Variants in PXDNL observed in about 807,000 individuals in gnomAD.
The protein encoded by PXDNL is peroxidasin like.
Under a neutral mutation model 150.8 loss-of-function variants are expected in PXDNL, and 145 were observed. The ratio of observed to expected loss-of-function variants is 0.96; its 90% CI spans 0.84 to 1.10. PXDNL has a LOEUF of 1.10. PXDNL is among the 50% of genes least tolerant of loss of function. The pLI is 0.00. For missense variants in PXDNL, 2,087 were observed against 1,873.9 expected, an observed-to-expected ratio of 1.11 and a Z score of -2.10; for synonymous variants, 757 against 725.7, an observed-to-expected ratio of 1.04 and a Z score of -0.69.
intron 4 of PXDNL, among the ~76,000 whole-genome samples, chr8:51,506,669 T>C (rs1811301278): frequency 6.6e-6 from 1 of 152,164 alleles, no homozygotes; most frequent in African/African-American, 2.4e-5. Flanking sequence ...CTACCTCTTT[T>C]TGCCTGAACT....
At chr8:51,479,849 C>T (rs983896339) in intron 6 of PXDNL, among the ~76,000 whole-genome samples, 1 of 152,094 alleles carries the variant, frequency 6.6e-6, no homozygotes, top group African/African-American at 2.4e-5. Context: ...TGTACTTGTA[C>T]CCCTTTACAG....
chr8:51,564,990 AGGCTTCCAGTACGAT>A (rs1812787391), intron 3 of PXDNL, among the ~76,000 whole-genome samples: 1 of 151,858 alleles, frequency 6.6e-6, no homozygotes, highest in Admixed American at 6.6e-5. Flanking sequence ...TCATTAGCTA[AGGCTTCCAGTACGAT>A]GGTGAATAGG....
At chr8:51,320,688 A>T in intron 22 of PXDNL, 96 bp downstream of exon 22, 1 of 869,342 alleles carries the variant, frequency 1.2e-6, no homozygotes, top group Non-Finnish European at 1.9e-6. Context: ...ATTGACATAA[A>T]ATATATTTTT....
chr8:51,690,313 C>T (rs1815967109), intron 1 of PXDNL, among the ~76,000 whole-genome samples: 1 of 152,062 alleles, frequency 6.6e-6, no homozygotes, highest in Non-Finnish European at 1.5e-5. Context: ...AATGCTATCC[C>T]TCCCCCTTCC....
chr8:51,527,089 T>A (rs1811785613), intron 4 of PXDNL, among the ~76,000 whole-genome samples: 1 of 152,212 alleles, frequency 6.6e-6, no homozygotes, highest in Admixed American at 6.5e-5. Flanking sequence ...AAAGCTTTTA[T>A]TTTCCTGCCT....
chr8:51,344,351 T>C (rs994721476), intron 20 of PXDNL, among the ~76,000 whole-genome samples: 5 of 152,072 alleles, frequency 3.3e-5, no homozygotes, highest in African/African-American at 9.7e-5. Context: ...AACTCCTGGC[T>C]TCAGGTGATG....
intron 2 of PXDNL, among the ~76,000 whole-genome samples, chr8:51,604,703 T>G (rs1172060103): frequency 6.6e-6 from 1 of 152,212 alleles, no homozygotes; most frequent in South Asian, 2.1e-4. Context: ...TTCTAAACAG[T>G]TTTAGGTCTT....
At position 51,361,412 on chromosome 8, in the gene PXDNL, A is replaced by T. The variant is rs376825086; in HGVS notation, c.3901+10461T>A. 3.5e-4 allele frequency among the ~76,000 whole-genome samples: 53 copies of T among 152,278 alleles called. 1 individual carries two copies. The highest frequency in any genetic ancestry group is 1.1e-3 in the African/African-American group (47 of 41,556). On this transcript the variant is annotated intron_variant, in intron 19 of 22. Coordinates refer to ENST00000356297, the MANE Select transcript of PXDNL (RefSeq NM_144651.5). ...CTTTTCTCTTTTTGGTTGCTCAGGT[A>T]GAAAAAAAATCATTGACTAAGTTGA...
intron 1 of PXDNL, among the ~76,000 whole-genome samples, chr8:51,659,349 T>C (rs1815220672): frequency 6.6e-6 from 1 of 152,140 alleles, no homozygotes; most frequent in South Asian, 2.1e-4. Flanking sequence ...TCTCCTCTAC[T>C]CTCCCCAGCA....
At chr8:51,761,134 A>G (rs2037162103) in intron 1 of PXDNL, among the ~76,000 whole-genome samples, 1 of 150,612 alleles carries the variant, frequency 6.6e-6, no homozygotes, top group African/African-American at 2.4e-5. Context: ...CGGCCTCCCA[A>G]AGTGCTAGGA....
At chr8:51,639,934 C>A (rs1191531356) in intron 2 of PXDNL, among the ~76,000 whole-genome samples, 1 of 152,088 alleles carries the variant, frequency 6.6e-6, no homozygotes, top group Admixed American at 6.5e-5. Context: ...ACTTGATGAA[C>A]ATTGACGCAA....
chr8:51,472,527 G>A (rs1232072154), intron 7 of PXDNL, among the ~76,000 whole-genome samples: 2 of 152,166 alleles, frequency 1.3e-5, no homozygotes, highest in Admixed American at 6.5e-5. Flanking sequence ...GATCTCCAAT[G>A]AAGTAAATTA....
chr8:51,527,235 T>C (rs1181165747), intron 4 of PXDNL, among the ~76,000 whole-genome samples: 1 of 152,162 alleles, frequency 6.6e-6, no homozygotes. Flanking sequence ...CCTACCTACA[T>C]GGGTTCTTGC....
chr8:51,494,393 A>G (rs1810987347), intron 5 of PXDNL, among the ~76,000 whole-genome samples: 1 of 152,148 alleles, frequency 6.6e-6, no homozygotes, highest in Non-Finnish European at 1.5e-5. Flanking sequence ...ATAACCAGCT[A>G]ACATCATAAT....
intron 4 of PXDNL, among the ~76,000 whole-genome samples, chr8:51,517,585 A>C (rs1811571037): frequency 1.3e-5 from 2 of 152,300 alleles, no homozygotes; most frequent in Middle Eastern, 3.4e-3. Flanking sequence ...TGCCAGTGCA[A>C]AATAAAATGT....
chr8:51,367,905 A>T (rs1429373477), intron 19 of PXDNL, among the ~76,000 whole-genome samples: 1 of 152,228 alleles, frequency 6.6e-6, no homozygotes, highest in African/African-American at 2.4e-5. Context: ...AGACGGGTGG[A>T]TCACCTGAGG....
At chr8:51,570,249 A>G (rs1205570859) in intron 3 of PXDNL, among the ~76,000 whole-genome samples, 1 of 149,476 alleles carries the variant, frequency 6.7e-6, no homozygotes, top group Non-Finnish European at 1.5e-5. Context: ...GGAAAACATG[A>G]CGCTGTGGGT....
intron 19 of PXDNL, among the ~76,000 whole-genome samples, chr8:51,348,844 G>T (rs1227316591): frequency 1.3e-5 from 2 of 152,072 alleles, no homozygotes; most frequent in Non-Finnish European, 2.9e-5. Flanking sequence ...AAGAGACAGG[G>T]TTTAAATCCG....
intron 2 of PXDNL, among the ~76,000 whole-genome samples, chr8:51,621,828 A>G (rs1814262242): frequency 1.3e-5 from 2 of 151,396 alleles, no homozygotes; most frequent in African/African-American, 4.9e-5. Flanking sequence ...TAGTTTTGCT[A>G]CTCAGGAGGC....
Sources: allele counts gnomAD v4.1 joint callset (sites outside exome capture counted in the v4.1 genomes callset), GRCh38; gene constraint gnomAD v4.1.1; transcripts MANE v1.5; gene names NCBI Gene and HGNC (gene_info 2026-07-23, HGNC 2026-07-21).